Variants in FGF13 observed in about 807,000 individuals in gnomAD.
FGF13 encodes fibroblast growth factor 13.
Under a neutral mutation model 19.5 loss-of-function variants are expected in FGF13, and 2 were observed. That is an observed-to-expected ratio of 0.10 (90% CI 0.04 to 0.32). FGF13 has a LOEUF of 0.32. FGF13 is among the 10% of genes least tolerant of loss of function. FGF13 has a pLI of 1.00. For synonymous variants in FGF13, 72 were observed against 76.9 expected (o/e 0.94, Z 0.33); for missense variants, 113 against 192.7 (o/e 0.59, Z 2.45).
rs1241651225 is a variant in FGF13, at chrX:138,619,021, C to A, written c.*13829G>T. The A allele has an allele frequency of 9.1e-6, 1 of 109,788 alleles. No homozygotes were observed. The highest frequency in any genetic ancestry group is 9.8e-5 in the Admixed American group (1 of 10,210). 9.0% of individuals were successfully genotyped at this position (109,788 alleles called of 1,213,427 possible). On this transcript the variant is annotated 3_prime_UTR_variant, in exon 5 of 5. Coordinates refer to ENST00000315930, the MANE Select transcript of FGF13 (RefSeq NM_004114.5). ...TGGCAACACGAGATTTCAAGGAACA[C>A]CTGCCAAAAACAACACAAAAATAAT...
intron 1 of FGF13, among the ~76,000 whole-genome samples, chrX:138,927,795 T>G (rs1345343352): frequency 8.9e-6 from 1 of 111,880 alleles, no homozygotes; most frequent in Admixed American, 9.5e-5. Context: ...CCAGCAAGGA[T>G]GAGGTAGTCA....
At chrX:138,877,258 A>C (rs1382247113) in intron 1 of FGF13, among the ~76,000 whole-genome samples, 1 of 111,594 alleles carries the variant, frequency 9.0e-6, no homozygotes, top group Non-Finnish European at 1.9e-5. Context: ...TGAAGAAAAA[A>C]AAAGGAAAAA....
intron 3 of FGF13, among the ~76,000 whole-genome samples, chrX:138,665,247 T>C (rs1487468056): frequency 9.0e-6 from 1 of 111,364 alleles, no homozygotes; most frequent in African/African-American, 3.3e-5. Context: ...AGAATCTGTG[T>C]CAATTCTTCT....
intron 3 of FGF13, among the ~76,000 whole-genome samples, chrX:138,846,062 G>A (rs966423895): frequency 9.0e-6 from 1 of 111,010 alleles, no homozygotes; most frequent in African/African-American, 3.3e-5. Flanking sequence ...ATTAATCTGG[G>A]CTTTGTTGGG....
chrX:138,843,977 C>A (rs1276126874), intron 3 of FGF13, among the ~76,000 whole-genome samples: 1 of 111,578 alleles, frequency 9.0e-6, no homozygotes, highest in Non-Finnish European at 1.9e-5. Flanking sequence ...ATTACATAGA[C>A]TCTATATCAT....
rs2089085366 is a variant in FGF13 at position 138,628,447 on chromosome X, G to GGTT, written c.*4400_*4402dup. 1 of 112,138 alleles carries GGTT rather than the reference G, an allele frequency of 8.9e-6. No homozygotes were observed. The highest frequency in any genetic ancestry group is 3.2e-5 in the African/African-American group (1 of 30,889). 9.2% of individuals were successfully genotyped at this position (112,138 alleles called of 1,213,427 possible). A position where few individuals can be genotyped will look rare whatever the true frequency, so the allele number is the denominator to read the frequency against. On this transcript the variant is annotated 3_prime_UTR_variant, in exon 5 of 5. Transcript: ENST00000315930. ...AAGTGAGAAAATGGCTTTGAATAGA[G>GGTT]GTTGAAAGGATTTTCAGAAACAATA...
rs1275262026 is a variant in FGF13, at chrX:138,995,736, C to G, written c.-112-131086G>C. ...ATGGGCATGTAGGTTAATTCCATGT[C>G]TTTGGTATTGTGAATAGTGCTGCAA... On this transcript the variant is annotated intron_variant, in intron 1 of 2. Transcript: ENST00000421460. Among the ~76,000 whole-genome samples, 3 of 112,057 alleles carry G rather than the reference C, an allele frequency of 2.7e-5. No individual in the cohort carries two copies. The East Asian group carries it at 8.5e-4, about 32-fold the overall frequency.
At position 139,008,199 on chromosome X, in the gene FGF13, G is replaced by T. The variant is rs746988446; in HGVS notation, c.-112-143549C>A. Among the ~76,000 whole-genome samples the T allele has an allele frequency of 3.6e-5, 4 of 111,871 alleles. No individual in the cohort carries two copies. In the East Asian group the frequency reaches 1.1e-3, roughly 32 times the overall value. On this transcript the variant is annotated intron_variant, in intron 1 of 2. Transcript: ENST00000421460. Reference sequence around the variant, plus strand: ...ATATGCCTATCCCTGCCCCCACCTGGTGGTTTTTCTCCACCCACCCTGGTA... The same window carrying T: ...ATATGCCTATCCCTGCCCCCACCTGTTGGTTTTTCTCCACCCACCCTGGTA...
chrX:138,678,915 G>T (rs2089700324), intron 3 of FGF13, among the ~76,000 whole-genome samples: 1 of 112,036 alleles, frequency 8.9e-6, no homozygotes, highest in Non-Finnish European at 1.9e-5. Context: ...AACTACATGA[G>T]CCTCAAGAAA....
chrX:138,849,486 A>G (rs1251255806), intron 3 of FGF13, among the ~76,000 whole-genome samples: 2 of 112,143 alleles, frequency 1.8e-5, no homozygotes. Flanking sequence ...GTCATTTAAA[A>G]CAAAAGACAG....
chrX:138,663,405 T>G (rs1170898316), intron 3 of FGF13, among the ~76,000 whole-genome samples: 1 of 111,334 alleles, frequency 9.0e-6, no homozygotes, highest in African/African-American at 3.3e-5. Context: ...TAACATCACC[T>G]TGATTATTTA....
intron 3 of FGF13, among the ~76,000 whole-genome samples, chrX:138,815,451 T>G (rs2090955421): frequency 9.0e-6 from 1 of 110,794 alleles, no homozygotes; most frequent in African/African-American, 3.3e-5. Context: ...TACGTAAAAT[T>G]TTTATTGGTC....
chrX:138,892,866 G>A (rs906197741), intron 1 of FGF13, among the ~76,000 whole-genome samples: 10 of 108,111 alleles, frequency 9.2e-5, no homozygotes, highest in African/African-American at 3.4e-4. Flanking sequence ...TCTCCTCTAA[G>A]GTTTAAAGTG....
intron 4 of FGF13, among the ~76,000 whole-genome samples, chrX:138,633,688 G>C (rs774342562): frequency 9.0e-6 from 1 of 111,328 alleles, no homozygotes; most frequent in South Asian, 3.8e-4. Context: ...CATAACATTA[G>C]ATACTACTCT....
chrX:138,737,131 G>C (rs1354120314), intron 1 of FGF13, among the ~76,000 whole-genome samples: 1 of 111,508 alleles, frequency 9.0e-6, no homozygotes, highest in Non-Finnish European at 1.9e-5. Flanking sequence ...GATCAAATGA[G>C]AGGCAGCAGA....
intron 1 of FGF13, among the ~76,000 whole-genome samples, chrX:138,976,463 A>G (rs747118902): frequency 9.0e-6 from 1 of 111,515 alleles, no homozygotes. Context: ...ACCAAATACC[A>G]TATGTTCTTG....
At chrX:138,730,547 T>A (rs1488791260) in intron 1 of FGF13, among the ~76,000 whole-genome samples, 7 of 111,302 alleles carry the variant, frequency 6.3e-5, no homozygotes, top group Non-Finnish European at 9.5e-5. Flanking sequence ...GTTTTGAAAG[T>A]AGCAGAGATA....
chrX:138,770,297 C>T (rs914112131), intron 3 of FGF13, among the ~76,000 whole-genome samples: 1 of 111,174 alleles, frequency 9.0e-6, no homozygotes, highest in Non-Finnish European at 1.9e-5. Flanking sequence ...CTGTAAAGAC[C>T]CTTTATAATT....
chrX:139,195,008 G>A (rs1331658237), intron 1 of FGF13, among the ~76,000 whole-genome samples: 1 of 111,738 alleles, frequency 8.9e-6, no homozygotes, highest in African/African-American at 3.3e-5. Flanking sequence ...GCCGGCGCCG[G>A]GCAGCTCTTT....
Sources: allele counts gnomAD v4.1 joint callset (sites outside exome capture counted in the v4.1 genomes callset), GRCh38; gene constraint gnomAD v4.1.1; transcripts MANE v1.5; gene names NCBI Gene and HGNC (gene_info 2026-07-23, HGNC 2026-07-21).